The following ZIM2 variants were observed in gnomAD, a reference collection of about 807,000 sequenced individuals.
ZIM2 encodes zinc finger imprinted 2, also known as zinc finger protein 656.
Under a neutral mutation model 38.6 loss-of-function variants are expected in ZIM2, and 14 were observed. That is an observed-to-expected ratio of 0.36 (90% CI 0.24 to 0.57). The LOEUF (loss-of-function observed/expected upper bound fraction) is 0.57. Among genes scored for constraint, ZIM2 ranks in the 20% least tolerant of loss-of-function variants. The probability of loss-of-function intolerance (pLI) is 0.81; values close to 1 mark genes in which losing one functional copy is unlikely to be tolerated. For missense variants in ZIM2, 680 were observed against 695.1 expected (o/e 0.98, Z 0.24); for synonymous variants, 247 against 245.8 (o/e 1.00, Z -0.04).
chr19:56,804,177 A>T (rs1272742874), intron 9 of ZIM2, among the ~76,000 whole-genome samples: 1 of 152,196 alleles, frequency 6.6e-6, no homozygotes, highest in Non-Finnish European at 1.5e-5. Flanking sequence ...TCCAAGGTAG[A>T]TGTCCAGGGG....
intron 7 of ZIM2, among the ~76,000 whole-genome samples, chr19:56,820,962 A>G (rs980768773): frequency 3.3e-5 from 5 of 152,206 alleles, no homozygotes; most frequent in Non-Finnish European, 7.3e-5. Context: ...TCCACCATGT[A>G]TAAGTGACCC....
chr19:56,824,581 A>C (rs2060834609), intron 3 of ZIM2, 154 bp from the exon 4 acceptor site: 4 of 1,614,118 alleles, frequency 2.5e-6, no homozygotes, highest in Non-Finnish European at 3.4e-6. Context: ...TAGTCAAGTC[A>C]CTGTCTAGCT....
chr19:56,814,268 C>T lies in ZIM2; in HGVS notation c.490+3478G>A, dbSNP rs200313795. The T allele has an allele frequency of 2.2e-5, 35 of 1,613,834 alleles. No individual in the cohort carries two copies. The African/African-American group carries it at 2.3e-4, about 10-fold the overall frequency. ...TCCACTTCTGGCTCAGCAGCCTCTA[C>T]GTTTAAGCCCTGAATCCTCAGAACT... On this transcript the variant is annotated intron_variant, in intron 9 of 12. Transcript: ENST00000629319. The surrounding 1 kb of genome is among the most constrained non-coding windows in gnomAD (Gnocchi z 5.8).
intron 9 of ZIM2, chr19:56,815,391 T>C (rs2059884759): frequency 6.2e-7 from 1 of 1,614,064 alleles, no homozygotes; most frequent in Admixed American, 1.7e-5. Flanking sequence ...GGGCGTAACT[T>C]GTTTGAGGGT....
intron 7 of ZIM2, among the ~76,000 whole-genome samples, chr19:56,819,027 G>A (rs184670020): frequency 1.3e-5 from 2 of 152,298 alleles, no homozygotes; most frequent in East Asian, 1.9e-4. Context: ...AGTGCTAAAC[G>A]GGTTTTGTAG....
chr19:56,797,468 C>T (rs2047288700), intron 9 of ZIM2, among the ~76,000 whole-genome samples: 1 of 152,136 alleles, frequency 6.6e-6, no homozygotes, highest in Non-Finnish European at 1.5e-5. Context: ...CAGGAAATGA[C>T]CTACCAGCAA....
intron 9 of ZIM2, chr19:56,810,935 T>C (rs1487241642): frequency 1.0e-6 from 1 of 968,736 alleles, no homozygotes; most frequent in Non-Finnish European, 1.2e-6. Context: ...ATAGGGAACA[T>C]TTGAAAAAAT....
intron 12 of ZIM2, 88 bp from the exon 13 acceptor site, chr19:56,775,617 T>G: frequency 2.0e-6 from 3 of 1,502,596 alleles, no homozygotes; most frequent in Non-Finnish European, 1.8e-6. Context: ...GGCTTTGCCC[T>G]GGAGTTAGTG....
intron 9 of ZIM2, among the ~76,000 whole-genome samples, chr19:56,797,461 G>T (rs2047288165): frequency 6.6e-6 from 1 of 152,164 alleles, no homozygotes; most frequent in African/African-American, 2.4e-5. Flanking sequence ...ACAGAACCAG[G>T]AAATGACCTA....
At chr19:56,821,582 G>C in intron 7 of ZIM2, 69 bp downstream of exon 7, 1 of 1,581,956 alleles carries the variant, frequency 6.3e-7, no homozygotes, top group Non-Finnish European at 8.6e-7. Flanking sequence ...ACACCATCTG[G>C]GGAAAGAAAG....
intron 7 of ZIM2, 99 bp from the exon 8 acceptor site, chr19:56,818,801 T>C (rs977856018): frequency 9.8e-5 from 133 of 1,361,276 alleles, no homozygotes; most frequent in Non-Finnish European, 1.3e-4. Context: ...TATGAAGTTA[T>C]ATAGGAAGTG....
intron 9 of ZIM2, among the ~76,000 whole-genome samples, chr19:56,808,625 G>C (rs2047886739): frequency 6.6e-6 from 1 of 152,064 alleles, no homozygotes; most frequent in Non-Finnish European, 1.5e-5. Context: ...TTAAACTCGA[G>C]AGCTGGCTAG....
chr19:56,802,828 T>C (rs2047593835), intron 9 of ZIM2, among the ~76,000 whole-genome samples: 1 of 152,186 alleles, frequency 6.6e-6, no homozygotes, highest in African/African-American at 2.4e-5. Context: ...TTCGAATGGA[T>C]GGGAGAATGT....
At chr19:56,798,410 T>G (rs921482002) in intron 9 of ZIM2, 2 of 152,196 alleles carry the variant, frequency 1.3e-5, no homozygotes, top group African/African-American at 4.8e-5. Context: ...GCTAGCCATA[T>G]GCAGAAAGTT....
chr19:56,804,884 A>C (rs1053742109), intron 9 of ZIM2, among the ~76,000 whole-genome samples: 8 of 152,238 alleles, frequency 5.3e-5, no homozygotes, highest in South Asian at 2.1e-4. Flanking sequence ...CAGAATAGTT[A>C]AGGAAATAAC....
chr19:56,827,708 AG>A (rs2061184684), intron 2 of ZIM2, among the ~76,000 whole-genome samples: 1 of 152,228 alleles, frequency 6.6e-6, no homozygotes, highest in Non-Finnish European at 1.5e-5. Flanking sequence ...TTAATAGACA[AG>A]ATATGTTATG....
chr19:56,838,843 G>T (rs2062553687), intron 1 of ZIM2, among the ~76,000 whole-genome samples: 1 of 152,154 alleles, frequency 6.6e-6, no homozygotes, highest in South Asian at 2.1e-4. Context: ...CAGCAACCGT[G>T]GCCCCGCCCC....
intron 7 of ZIM2, 110 bp downstream of exon 7, chr19:56,821,539 TCA>T: frequency 7.6e-7 from 1 of 1,323,334 alleles, no homozygotes; most frequent in Non-Finnish European, 1.0e-6. Flanking sequence ...GCTGGGACTC[TCA>T]CCCCAGCTGG....
rs1312978800 is a variant in ZIM2, at chr19:56,774,703, C to T, written c.1662G>A (p.Glu554=). Residue 554 remains glutamate (E), a synonymous_variant, in exon 13 of 13, where the codon GAG becomes GAA. Coordinates refer to ENST00000629319, the MANE Select transcript of ZIM2 (RefSeq NM_001387356.1). ...TAAAGGTTTCTCAACAGTGATCGCA[C>T]TCAACAGTTTTCTCTTGAGAATGGA... is the stretch of plus-strand genomic sequence containing the variant. The part of the protein sequence containing the change: ...YQLHSQEKTV[E]CDHC 2.5e-6 allele frequency: 4 copies of T among 1,613,928 alleles called. No homozygotes were observed. The highest frequency in any genetic ancestry group is 1.3e-5 in the African/African-American group (1 of 74,900).
Sources: gnomAD v4.1 joint callset for allele counts (sites outside exome capture counted in the v4.1 genomes callset) on GRCh38, gnomAD v4.1.1 for gene constraint, Gnocchi (gnomAD v3.1) non-coding constraint, MANE v1.5 for transcripts, NCBI Gene and HGNC (gene_info 2026-07-23, HGNC 2026-07-21) for gene names.